MTHFD2L: variants seen among roughly 807,000 people sequenced by gnomAD.
The protein encoded by MTHFD2L is bifunctional methylenetetrahydrofolate dehydrogenase/cyclohydrolase 2, mitochondrial.
A neutral mutation model predicts 34.9 loss-of-function variants in MTHFD2L; 29 were observed. The observed-to-expected ratio is 0.83, with a 90% CI of 0.62 to 1.13. The LOEUF (loss-of-function observed/expected upper bound fraction) is 1.13. Among genes scored for constraint, MTHFD2L ranks in the 50% most tolerant of loss-of-function variants. The pLI, the probability that MTHFD2L is intolerant of heterozygous loss-of-function variation, is 0.00. For synonymous variants in MTHFD2L, 167 were observed against 155.7 expected (o/e 1.07, Z -0.54); for missense variants, 481 against 446.5 (o/e 1.08, Z -0.70).
chr4:74,222,717 T>A (rs1046479366), intron 5 of MTHFD2L, among the ~76,000 whole-genome samples: 5 of 152,134 alleles, frequency 3.3e-5, no homozygotes, highest in Non-Finnish European at 5.9e-5. Context: ...AAACTGTGTC[T>A]TTTAGCATGT....
At chr4:74,240,470 AATGGGTG>A (rs908930869) in intron 6 of MTHFD2L, among the ~76,000 whole-genome samples, 5 of 152,184 alleles carry the variant, frequency 3.3e-5, no homozygotes, top group African/African-American at 1.2e-4. Flanking sequence ...TGGAACATTT[AATGGGTG>A]ATGGATGATG....
intron 3 of MTHFD2L, among the ~76,000 whole-genome samples, chr4:74,198,370 C>T (rs1560476962): frequency 6.6e-6 from 1 of 152,064 alleles, no homozygotes; most frequent in Non-Finnish European, 1.5e-5. Context: ...TACAAAGAGT[C>T]CTTGTTGAGT....
At chr4:74,191,177 A>G (rs1228288928) in intron 3 of MTHFD2L, among the ~76,000 whole-genome samples, 9 of 152,214 alleles carry the variant, frequency 5.9e-5, no homozygotes, top group Admixed American at 5.9e-4. Flanking sequence ...TTGGGATTAC[A>G]GCTTCCTGAA....
intron 7 of MTHFD2L, among the ~76,000 whole-genome samples, chr4:74,283,843 G>T (rs1048361599): frequency 1.3e-5 from 2 of 152,128 alleles, no homozygotes; most frequent in Admixed American, 1.3e-4. Flanking sequence ...GAGCAGGCAA[G>T]TGATAGGTTT....
At chr4:74,256,473 C>T (rs1016383418) in intron 6 of MTHFD2L, among the ~76,000 whole-genome samples, 3 of 152,146 alleles carry the variant, frequency 2.0e-5, no homozygotes. Context: ...CTTCCCAAGG[C>T]TGATGTTCAG....
At chr4:74,176,611 G>A (rs1391782644) in intron 3 of MTHFD2L, among the ~76,000 whole-genome samples, 2 of 152,008 alleles carry the variant, frequency 1.3e-5, no homozygotes, top group African/African-American at 2.4e-5. Context: ...TGCTATGACT[G>A]GTCACTGATC....
At chr4:74,267,009 T>G in intron 6 of MTHFD2L, 1 of 985,426 alleles carries the variant, frequency 1.0e-6, no homozygotes, top group Non-Finnish European at 1.2e-6. Flanking sequence ...CCTAAAGGGA[T>G]TTGGCTGGTA....
chr4:74,175,523 T>C, intron 3 of MTHFD2L, 120 bp downstream of exon 3: 1 of 1,076,764 alleles, frequency 9.3e-7, no homozygotes, highest in Non-Finnish European at 1.3e-6. Flanking sequence ...AGACTAGCTA[T>C]TTTACTAGTA....
At chr4:74,218,484 G>A (rs116399351) in intron 5 of MTHFD2L, among the ~76,000 whole-genome samples, 23 of 152,098 alleles carry the variant, frequency 1.5e-4, no homozygotes, top group African/African-American at 3.4e-4. Context: ...GCAAGGGCGC[G>A]GCCAAGACAC....
At chr4:74,180,792 A>G (rs1157090970) in intron 3 of MTHFD2L, 4 of 389,688 alleles carry the variant, frequency 1.0e-5, no homozygotes, top group Non-Finnish European at 2.2e-5. Flanking sequence ...AATAAAAATG[A>G]CCGAATGCAG....
intron 3 of MTHFD2L, among the ~76,000 whole-genome samples, chr4:74,176,958 A>G (rs1578357764): frequency 2.6e-5 from 4 of 151,990 alleles, no homozygotes; most frequent in African/African-American, 9.7e-5. Context: ...AGCATATGTT[A>G]TAGCTTTTGT....
At chr4:74,118,171 T>C (rs566490863) in intron 2 of MTHFD2L, among the ~76,000 whole-genome samples, 1 of 152,166 alleles carries the variant, frequency 6.6e-6, no homozygotes, top group Non-Finnish European at 1.5e-5. Flanking sequence ...TTAAGCTTAG[T>C]AAAATATCAA....
intron 5 of MTHFD2L, among the ~76,000 whole-genome samples, chr4:74,203,230 C>G (rs1476829358): frequency 6.6e-6 from 1 of 150,696 alleles, no homozygotes; most frequent in African/African-American, 2.4e-5. Context: ...GAGCTCTTAG[C>G]CCAAATCCAG....
chr4:74,251,160 AGCCT>A (rs1743255223), intron 6 of MTHFD2L, among the ~76,000 whole-genome samples: 3 of 152,238 alleles, frequency 2.0e-5, no homozygotes, highest in Non-Finnish European at 4.4e-5. Flanking sequence ...TGCTGGGTTA[AGCCT>A]ATCATGTAGA....
intron 5 of MTHFD2L, among the ~76,000 whole-genome samples, chr4:74,205,649 A>G (rs1193518725): frequency 6.6e-6 from 1 of 152,154 alleles, no homozygotes. Flanking sequence ...AAAATCTTAA[A>G]GTAAAGGGAT....
intron 6 of MTHFD2L, among the ~76,000 whole-genome samples, chr4:74,232,721 A>G (rs1342660331): frequency 6.6e-6 from 1 of 152,188 alleles, no homozygotes; most frequent in African/African-American, 2.4e-5. Flanking sequence ...ACTGTTTTAT[A>G]TTTATACATA....
rs1740232155 is a variant in MTHFD2L, at chr4:74,232,519, G to A, written c.805+7125G>A. On this transcript the variant is annotated intron_variant, in intron 6 of 7. Coordinates refer to ENST00000325278, the MANE Select transcript of MTHFD2L (RefSeq NM_001144978.3). ...GCCCAAAGCCTAAGTTACTAAGTAAGCAAAGCTTCCCTGGCCTGCAGTGAG... is the reference window on the plus strand; with the variant it reads ...GCCCAAAGCCTAAGTTACTAAGTAAACAAAGCTTCCCTGGCCTGCAGTGAG... Among the ~76,000 whole-genome samples the A allele has an allele frequency of 3.9e-5, 6 of 152,122 alleles. No individual in the cohort carries two copies. In the South Asian group the frequency reaches 1.0e-3, roughly 26 times the overall value.
At chr4:74,157,644 G>A (rs754091083), upstream of MTHFD2L, 11 of 456,790 alleles carry the variant, frequency 2.4e-5, no homozygotes, top group South Asian at 1.7e-4. Flanking sequence ...ACACACCTTT[G>A]TTCTTTTCTC....
At chr4:74,235,852 G>A (rs1482945647) in intron 6 of MTHFD2L, among the ~76,000 whole-genome samples, 2 of 151,942 alleles carry the variant, frequency 1.3e-5, no homozygotes, top group Non-Finnish European at 1.5e-5. Flanking sequence ...TTGTTACCCC[G>A]ACCTTTATCG....
Sources: gnomAD v4.1 joint callset for allele counts (sites outside exome capture counted in the v4.1 genomes callset) on GRCh38, gnomAD v4.1.1 for gene constraint, MANE v1.5 for transcripts, NCBI Gene and HGNC (gene_info 2026-07-23, HGNC 2026-07-21) for gene names.